Variants in SLC24A4 observed in about 807,000 individuals in gnomAD.
SLC24A4 encodes sodium/potassium/calcium exchanger 4.
In SLC24A4, 53 loss-of-function variants were observed where a neutral mutation model predicts 79.0. That is an observed-to-expected ratio of 0.67 (90% CI 0.54 to 0.84). The LOEUF is 0.84. Among genes scored for constraint, SLC24A4 ranks in the 40% least tolerant of loss-of-function variants. The pLI, the probability that SLC24A4 is intolerant of heterozygous loss-of-function variation, is 0.00. For missense variants in SLC24A4, 731 were observed against 822.0 expected (o/e 0.89, Z 1.35); for synonymous variants, 323 against 323.8 (o/e 1.00, Z 0.03).
intron 2 of SLC24A4, among the ~76,000 whole-genome samples, chr14:92,411,575 AT>A (rs1890718188): frequency 6.6e-6 from 1 of 152,092 alleles, no homozygotes; most frequent in African/African-American, 2.4e-5. Context: ...GGTTGTTTGT[AT>A]GAGACAGAAC....
At chr14:92,384,320 G>A (rs1324177766) in intron 2 of SLC24A4, among the ~76,000 whole-genome samples, 1 of 152,150 alleles carries the variant, frequency 6.6e-6, no homozygotes, top group Non-Finnish European at 1.5e-5. Context: ...GACTGAAGGG[G>A]AGGGAGTGTT....
intron 2 of SLC24A4, among the ~76,000 whole-genome samples, chr14:92,401,395 A>G (rs181327408): frequency 1.3e-5 from 2 of 152,306 alleles, no homozygotes; most frequent in East Asian, 3.9e-4. Flanking sequence ...TGTCTTGAGG[A>G]AGACTTTTTC....
intron 2 of SLC24A4, among the ~76,000 whole-genome samples, chr14:92,337,847 A>T (rs1452173463): frequency 1.3e-5 from 2 of 152,132 alleles, no homozygotes; most frequent in African/African-American, 4.8e-5. Flanking sequence ...TAAGCACTAT[A>T]CAAGTTTTTT....
chr14:92,374,603 T>A (rs1888399179), intron 2 of SLC24A4, among the ~76,000 whole-genome samples: 1 of 152,136 alleles, frequency 6.6e-6, no homozygotes, highest in Non-Finnish European at 1.5e-5. Flanking sequence ...TTGCAACCAC[T>A]CCCACTCCAC....
chr14:92,330,954 G>A (rs1401126314), intron 2 of SLC24A4, among the ~76,000 whole-genome samples: 5 of 152,150 alleles, frequency 3.3e-5, no homozygotes, highest in Admixed American at 2.6e-4. Context: ...CATCTCCTGG[G>A]GTATTTGAAG....
At chr14:92,443,108 C>T (rs559961770) in intron 6 of SLC24A4, among the ~76,000 whole-genome samples, 18 of 152,256 alleles carry the variant, frequency 1.2e-4, no homozygotes, top group Admixed American at 4.6e-4. Flanking sequence ...AGTGGGCAGC[C>T]GACTGTGCCT....
chr14:92,372,906 T>TTCCTTCCTTCCC, intron 2 of SLC24A4, among the ~76,000 whole-genome samples: 1 of 119,648 alleles, frequency 8.4e-6, no homozygotes, highest in Non-Finnish European at 1.9e-5. Flanking sequence ...CCTTCCTTCC[T>TTCCTTCCTTCCC]TCCTTCCTTC....
intron 2 of SLC24A4, among the ~76,000 whole-genome samples, chr14:92,343,637 T>C (rs977594290): frequency 0.014 from 1,151 of 80,036 alleles, 6 homozygotes; most frequent in Middle Eastern, 0.028. Context: ...TCTTTCTTTC[T>C]TTCTCTCTTT....
chr14:92,411,815 G>C (rs954714423), intron 2 of SLC24A4, among the ~76,000 whole-genome samples: 1 of 152,196 alleles, frequency 6.6e-6, no homozygotes, highest in Non-Finnish European at 1.5e-5. Context: ...GGACAAGACT[G>C]TCAAATAATC....
chr14:92,359,349 G>A (rs953767284), intron 2 of SLC24A4, among the ~76,000 whole-genome samples: 3 of 152,126 alleles, frequency 2.0e-5, no homozygotes, highest in African/African-American at 4.8e-5. Context: ...GCCAAGGCAG[G>A]CGGATCATGA....
intron 2 of SLC24A4, among the ~76,000 whole-genome samples, chr14:92,373,211 C>CACACATAT (rs145882618): frequency 5.4e-5 from 8 of 149,414 alleles, no homozygotes; most frequent in Non-Finnish European, 4.5e-5. Context: ...CACACACACA[C>CACACATAT]ATATATATAT....
At chr14:92,449,843 C>G (rs1354393050) in intron 10 of SLC24A4, among the ~76,000 whole-genome samples, 6 of 152,238 alleles carry the variant, frequency 3.9e-5, no homozygotes, top group Non-Finnish European at 8.8e-5. Flanking sequence ...GCCCCCTTGT[C>G]CGGGAACTGG....
chr14:92,334,866 C>CCAT (rs747888649), intron 2 of SLC24A4, among the ~76,000 whole-genome samples: 38 of 151,464 alleles, frequency 2.5e-4, no homozygotes, highest in East Asian at 7.7e-4. Context: ...GTGGTAGCTG[C>CCAT]CATCATCATC....
intron 2 of SLC24A4, among the ~76,000 whole-genome samples, chr14:92,341,860 TC>T (rs1205043387): frequency 6.6e-6 from 1 of 152,348 alleles, no homozygotes; most frequent in East Asian, 1.9e-4. Context: ...GTGATTCTTC[TC>T]TGGGCCTCAG....
intron 2 of SLC24A4, among the ~76,000 whole-genome samples, chr14:92,340,854 C>G (rs573612767): frequency 6.6e-6 from 1 of 152,060 alleles, no homozygotes; most frequent in Non-Finnish European, 1.5e-5. Context: ...AGGATTTTAC[C>G]GAGGCCCCAG....
At chr14:92,488,701 A>G (rs1403708127) in intron 14 of SLC24A4, among the ~76,000 whole-genome samples, 3 of 152,054 alleles carry the variant, frequency 2.0e-5, no homozygotes, top group Non-Finnish European at 4.4e-5. Context: ...AGTGAGTACA[A>G]GGAAAGCTGG....
rs936153327 is a variant in SLC24A4, at chr14:92,326,072, A to C, written c.241+94A>C. 3 of 863,882 alleles carry C rather than the reference A, an allele frequency of 3.5e-6. No individual in the cohort carries two copies. In the African/African-American group the frequency reaches 5.0e-5, roughly 14 times the overall value. 53.5% of individuals were successfully genotyped at this position (863,882 alleles called of 1,614,324 possible). A position where few individuals can be genotyped will look rare whatever the true frequency, so the allele number is the denominator to read the frequency against. On this transcript the variant is annotated intron_variant, in intron 2 of 16. Coordinates refer to ENST00000532405, the MANE Select transcript of SLC24A4 (RefSeq NM_153646.4). ...TGGGTGGTTACAGCCAGAGCTGAGA[A>C]AGGTGGTTTATGGACTTGAGTGGGA...
chr14:92,354,093 G>A (rs774248326), intron 2 of SLC24A4, among the ~76,000 whole-genome samples: 2 of 152,194 alleles, frequency 1.3e-5, no homozygotes, highest in African/African-American at 2.4e-5. Context: ...GAGCTCACCT[G>A]CTCCTGAGGA....
chr14:92,427,083 G>A (rs1290855410), intron 2 of SLC24A4, among the ~76,000 whole-genome samples: 2 of 152,236 alleles, frequency 1.3e-5, no homozygotes, highest in East Asian at 3.8e-4. Flanking sequence ...CTCACAGAAA[G>A]CACATCTCTG....
Sources: allele counts gnomAD v4.1 joint callset (sites outside exome capture counted in the v4.1 genomes callset), GRCh38; gene constraint gnomAD v4.1.1; transcripts MANE v1.5; gene names NCBI Gene and HGNC (gene_info 2026-07-23, HGNC 2026-07-21).